Variants in STPG2 observed in about 807,000 individuals in gnomAD.
STPG2 encodes the protein sperm tail PG-rich repeat containing 2.
In STPG2, 56 loss-of-function variants were observed where a neutral mutation model predicts 54.2. The observed-to-expected ratio is 1.03, with a 90% CI of 0.83 to 1.29. The LOEUF (loss-of-function observed/expected upper bound fraction) is 1.29, where lower values mean the gene tolerates loss of function less well. Among genes scored for constraint, STPG2 ranks in the 50% most tolerant of loss-of-function variants. STPG2 has a pLI of 0.00. For missense variants in STPG2, 596 were observed against 544.9 expected (o/e 1.09, Z -0.93); for synonymous variants, 200 against 181.8 (o/e 1.10, Z -0.81).
chr4:97,526,737 T>C (rs1731288644), intron 4 of STPG2, among the ~76,000 whole-genome samples: 1 of 152,138 alleles, frequency 6.6e-6, no homozygotes. Context: ...GTTTTAGTCA[T>C]GAAGTCTTTG....
intron 5 of STPG2, among the ~76,000 whole-genome samples, chr4:97,983,666 T>C (rs750865720): frequency 2.8e-4 from 42 of 152,328 alleles, no homozygotes; most frequent in Middle Eastern, 3.4e-3. Flanking sequence ...AATCAGTTAT[T>C]TCTCTGAGGA....
chr4:98,058,427 C>G (rs1305047618), intron 5 of STPG2, among the ~76,000 whole-genome samples: 1 of 152,102 alleles, frequency 6.6e-6, no homozygotes, highest in Non-Finnish European at 1.5e-5. Flanking sequence ...TCAGACAAAA[C>G]AGACTTCAAA....
At chr4:98,010,762 T>C (rs1376767828) in intron 5 of STPG2, among the ~76,000 whole-genome samples, 7 of 152,194 alleles carry the variant, frequency 4.6e-5, no homozygotes, top group Admixed American at 4.6e-4. Flanking sequence ...TTTGCAGTGC[T>C]ATGCTTCGAA....
chr4:97,729,078 TC>T (rs1724714874), intron 9 of STPG2, among the ~76,000 whole-genome samples: 1 of 151,130 alleles, frequency 6.6e-6, no homozygotes, highest in East Asian at 1.9e-4. Context: ...TCTCTCTCTC[TC>T]TCTCTCTCTC....
chr4:97,941,149 G>A (rs573966700), intron 8 of STPG2, among the ~76,000 whole-genome samples: 10 of 151,994 alleles, frequency 6.6e-5, no homozygotes, highest in South Asian at 2.1e-4. Context: ...CTTGAAATGC[G>A]GCTAATGTTG....
At chr4:97,709,149 A>T (rs1304970211) in intron 10 of STPG2, among the ~76,000 whole-genome samples, 1 of 151,828 alleles carries the variant, frequency 6.6e-6, no homozygotes, top group East Asian at 1.9e-4. Flanking sequence ...TAAATGACTC[A>T]ATTGAATTAA....
chr4:97,634,506 C>G (rs1470273432), intron 10 of STPG2, among the ~76,000 whole-genome samples: 2 of 152,106 alleles, frequency 1.3e-5, no homozygotes, highest in Non-Finnish European at 2.9e-5. Flanking sequence ...CTTTGACGAG[C>G]TGAGAGAAGA....
intron 4 of STPG2, among the ~76,000 whole-genome samples, chr4:97,523,539 T>A (rs913877060): frequency 6.6e-6 from 1 of 151,960 alleles, no homozygotes; most frequent in Non-Finnish European, 1.5e-5. Context: ...CAGTTAAAAA[T>A]TGTTTATTAG....
intron 9 of STPG2, among the ~76,000 whole-genome samples, chr4:97,773,943 G>T (rs558440549): frequency 6.6e-6 from 1 of 151,624 alleles, no homozygotes; most frequent in African/African-American, 2.4e-5. Flanking sequence ...GGAGCCCAGG[G>T]CTTCAAGTCC....
chr4:97,592,897 C>T (rs770861032), intron 10 of STPG2, among the ~76,000 whole-genome samples: 1 of 152,120 alleles, frequency 6.6e-6, no homozygotes, highest in Non-Finnish European at 1.5e-5. Context: ...AGGACTCCAG[C>T]CTCTGTAGAG....
At chr4:98,125,089 G>C (rs1350669118) in intron 3 of STPG2, among the ~76,000 whole-genome samples, 8 of 152,062 alleles carry the variant, frequency 5.3e-5, no homozygotes, top group Non-Finnish European at 1.2e-4. Flanking sequence ...TTTTATCATG[G>C]TTCTTAGTTT....
intron 4 of STPG2, among the ~76,000 whole-genome samples, chr4:97,517,661 T>C (rs1731102838): frequency 1.3e-5 from 2 of 152,144 alleles, no homozygotes; most frequent in Admixed American, 6.6e-5. Context: ...ATCATAAATT[T>C]CTATTTATAA....
intron 10 of STPG2, among the ~76,000 whole-genome samples, chr4:97,683,109 T>C (rs1578477316): frequency 1.3e-5 from 2 of 151,834 alleles, no homozygotes; most frequent in Admixed American, 1.3e-4. Context: ...AGATACGAAT[T>C]AACTTTGTTA....
chr4:97,636,673 C>G (rs1721546446), intron 10 of STPG2, among the ~76,000 whole-genome samples: 1 of 151,914 alleles, frequency 6.6e-6, no homozygotes, highest in Admixed American at 6.6e-5. Context: ...ACCACCAATC[C>G]CACAGAAATA....
At position 97,934,847 on chromosome 4, in the gene STPG2, G is replaced by T. The variant is rs1732690796; in HGVS notation, c.1044+9050C>A. Reference sequence around the variant, plus strand: ...TTTGTTTTGTCTCTGACAGGTTTTGGTATCAGGATGATGCTGGCCTCATAA... The same window carrying T: ...TTTGTTTTGTCTCTGACAGGTTTTGTTATCAGGATGATGCTGGCCTCATAA... On this transcript the variant is annotated intron_variant, in intron 8 of 10. Coordinates refer to ENST00000295268, the MANE Select transcript of STPG2 (RefSeq NM_174952.3). Among the ~76,000 whole-genome samples the T allele has an allele frequency of 2.6e-5, 4 of 152,108 alleles. No individual in the cohort carries two copies. The South Asian group carries it at 8.3e-4, about 32-fold the overall frequency.
chr4:97,489,506 G>A (rs1302375763), intron 4 of STPG2, among the ~76,000 whole-genome samples: 1 of 151,592 alleles, frequency 6.6e-6, no homozygotes, highest in Non-Finnish European at 1.5e-5. Context: ...AGATTGTACT[G>A]TGGAAGGGAG....
At chr4:97,561,277 T>C (rs1012949188) in intron 10 of STPG2, among the ~76,000 whole-genome samples, 5 of 152,300 alleles carry the variant, frequency 3.3e-5, no homozygotes, top group Admixed American at 6.5e-5. Flanking sequence ...TCATGTCCTT[T>C]GCCCACTTTT....
chr4:97,637,691 C>A (rs1161331901), intron 10 of STPG2, among the ~76,000 whole-genome samples: 1 of 152,138 alleles, frequency 6.6e-6, no homozygotes, highest in Non-Finnish European at 1.5e-5. Flanking sequence ...CATTCCTATA[C>A]ACCAACAACA....
chr4:97,944,162 CAG>C (rs1300683941), intron 7 of STPG2, among the ~76,000 whole-genome samples, 155 bp from the exon 8 acceptor site: 2 of 151,780 alleles, frequency 1.3e-5, no homozygotes, highest in African/African-American at 2.4e-5. Flanking sequence ...AAATATGACA[CAG>C]AAAGAAAAAG....
Sources: allele counts gnomAD v4.1 joint callset (sites outside exome capture counted in the v4.1 genomes callset), GRCh38; gene constraint gnomAD v4.1.1; transcripts MANE v1.5; gene names NCBI Gene and HGNC (gene_info 2026-07-23, HGNC 2026-07-21).